Variants in MED13 observed in about 807,000 individuals in gnomAD.
The protein encoded by MED13 is mediator complex subunit 13.
In MED13, 23 loss-of-function variants were observed where a neutral mutation model predicts 225.2. The ratio of observed to expected loss-of-function variants is 0.10; its 90% CI spans 0.07 to 0.14. MED13 has a LOEUF of 0.14. Among genes scored for constraint, MED13 ranks in the 10% least tolerant of loss-of-function variants. The pLI is 1.00. For synonymous variants in MED13, 942 were observed against 889.2 expected (o/e 1.06, Z -1.06); for missense variants, 2,197 against 2,594.5 (o/e 0.85, Z 3.33).
chr17:61,984,413 G>A, intron 14 of MED13, 46 bp from the exon 15 acceptor site: 1 of 1,377,190 alleles, frequency 7.3e-7, no homozygotes, highest in Non-Finnish European at 9.8e-7. Context: ...TCTTCTAGGA[G>A]GAAAAAATAA....
intron 6 of MED13, chr17:62,031,194 A>G (rs1290264980): frequency 3.0e-6 from 1 of 330,112 alleles, no homozygotes; most frequent in East Asian, 5.9e-5. Context: ...CACAGGAGTG[A>G]TGGGACATCA....
Position 62,010,766 on chromosome 17 carries a change from T to G in MED13, c.1751A>C (p.Gln584Pro), listed in dbSNP as rs187078012. ...PMEDRIDSLS[Q>P]SFPPQYQEAV... The stretch of plus-strand genomic sequence containing the variant: ...TTCCTGATATTGAGGTGGGAAAGAC[T>G]GGGACAAACTGTCTATCCTATCTTC... The change falls in exon 9 of 30, where the codon CAG becomes CCG. Residue 584 changes from glutamine (Q) to proline (P), a missense_variant. Gln to Pro is a moderately conservative substitution (Grantham distance 76). Transcript: ENST00000397786. 1.3e-5 allele frequency: 21 copies of G among 1,614,032 alleles called. No individual in the cohort carries two copies. Among genetic ancestry groups the G allele is most frequent in the Non-Finnish European group, 3.4e-6 (4 of 1,179,988 alleles).
Position 61,983,070 on chromosome 17 carries a change from G to A in MED13, c.2933C>T (p.Pro978Leu). ...CATCCCAAAAGAAGTATGAGTTTGA[G>A]GTGTATAAGCAGTGCCATATTCTTG... ...MDQEYGTAYT[P>L]QTHTSFGMPP... Residue 978 changes from proline to leucine, a missense_variant, in exon 16 of 30, where the codon CCT becomes CTT. Coordinates refer to ENST00000397786, the MANE Select transcript of MED13 (RefSeq NM_005121.3). The A allele has an allele frequency of 6.2e-7, 1 of 1,613,472 alleles. No homozygotes were observed. Among genetic ancestry groups the A allele is most frequent in the Non-Finnish European group, 8.5e-7 (1 of 1,179,730 alleles).
chr17:61,953,087 C>G lies in MED13; in HGVS notation c.5995G>C (p.Asp1999His). The change falls in exon 27 of 30, where the codon GAT becomes CAT. Residue 1999 changes from aspartate to histidine, a missense_variant. By Grantham distance (81) the Asp-to-His change is moderately conservative. Transcript: ENST00000397786. ...NDGADGMGIFDLLDTGDDLDP... is the reference protein window; with the variant it reads ...NDGADGMGIFHLLDTGDDLDP... Reference sequence around the variant, plus strand: ...AGATCATCTCCTGTGTCTAACAAATCAAAGATACCCATTCCATCTGCTCCA... The same window carrying G: ...AGATCATCTCCTGTGTCTAACAAATGAAAGATACCCATTCCATCTGCTCCA... 3 of 1,613,678 alleles carry G rather than the reference C, an allele frequency of 1.9e-6. No homozygotes were observed. The highest frequency in any genetic ancestry group is 2.5e-6 in the Non-Finnish European group (3 of 1,179,822).
chr17:61,990,575 T>C (rs1603398366), intron 11 of MED13, among the ~76,000 whole-genome samples: 1 of 150,304 alleles, frequency 6.7e-6, no homozygotes, highest in Admixed American at 6.6e-5. Context: ...TGTGTATATA[T>C]GTATAGGGTC....
At chr17:62,020,712 A>C in intron 8 of MED13, among the ~76,000 whole-genome samples, 1 of 114,364 alleles carries the variant, frequency 8.7e-6, no homozygotes, top group East Asian at 2.7e-4. Flanking sequence ...TTTTTAATTG[A>C]TCATTCTTGG....
chr17:61,963,119 G>A (rs376125710), intron 20 of MED13, 148 bp from the exon 21 acceptor site: 35 of 548,948 alleles, frequency 6.4e-5, no homozygotes, highest in African/African-American at 5.0e-4. Context: ...TTTCTTTCTC[G>A]CCAAAATGAA....
chr17:62,009,929 T>C (rs1318178008), intron 9 of MED13, among the ~76,000 whole-genome samples: 4 of 152,062 alleles, frequency 2.6e-5, no homozygotes, highest in Admixed American at 6.6e-5. Context: ...AAATAATAAG[T>C]ACCAAATTGA....
At chr17:61,990,629 A>ATATATATG (rs2080289124) in intron 11 of MED13, among the ~76,000 whole-genome samples, 1 of 59,418 alleles carries the variant, frequency 1.7e-5, no homozygotes, top group African/African-American at 7.1e-5. Flanking sequence ...CGCACTGTGT[A>ATATATATG]TATATATATA....
chr17:61,975,479 G>A (rs1363597556), intron 16 of MED13, among the ~76,000 whole-genome samples: 1 of 152,196 alleles, frequency 6.6e-6, no homozygotes, highest in African/African-American at 2.4e-5. Context: ...AATGTGACAA[G>A]TGTAAGTGAA....
intron 8 of MED13, among the ~76,000 whole-genome samples, chr17:62,018,558 C>A (rs1366541891): frequency 1.3e-5 from 2 of 151,760 alleles, no homozygotes; most frequent in Non-Finnish European, 2.9e-5. Context: ...TACACACACA[C>A]AAAAAGTTAG....
rs2143267290 is a variant in MED13 at position 61,946,344 on chromosome 17, T to A, written c.*124A>T. The A allele has an allele frequency of 1.8e-6, 2 of 1,139,674 alleles. No homozygotes were observed. The highest frequency in any genetic ancestry group is 2.7e-5 in the Admixed American group (1 of 36,726). 70.6% of individuals were successfully genotyped at this position (1,139,674 alleles called of 1,614,324 possible). A position where few individuals can be genotyped will look rare whatever the true frequency, so the allele number is the denominator to read the frequency against. ...CCCCCCAAGTCAAAACAATATTTGT[T>A]GAAGTAATAAGAATTAGACCCCATC... On this transcript the variant is annotated 3_prime_UTR_variant, in exon 30 of 30. Transcript: ENST00000397786.
intron 19 of MED13, among the ~76,000 whole-genome samples, chr17:61,965,793 G>C (rs1310645514): frequency 6.6e-6 from 1 of 152,110 alleles, no homozygotes; most frequent in African/African-American, 2.4e-5. Context: ...ACTATTCAAA[G>C]GGTTTCTAAA....
chr17:61,969,870 G>A (rs1194071942), intron 17 of MED13, among the ~76,000 whole-genome samples: 3 of 152,054 alleles, frequency 2.0e-5, no homozygotes, highest in Non-Finnish European at 4.4e-5. Context: ...CCAAAGTGCT[G>A]GGATTACAGG....
chr17:61,946,519 A>G lies in MED13; in HGVS notation c.6474T>C (p.Ile2158=). ...ATQDRRSCLP[I]HFVVLNQLYN... ...ATAACTGATTCAGCACCACAAAATG[A>G]ATTGGGAGACATGAGCGTCTGTCCT... Residue 2158 remains isoleucine, a synonymous_variant, in exon 30 of 30, where the codon ATT becomes ATC. Coordinates refer to ENST00000397786, the MANE Select transcript of MED13 (RefSeq NM_005121.3). 6.2e-7 allele frequency: 1 copy of G among 1,613,866 alleles called. No individual in the cohort carries two copies. The highest frequency in any genetic ancestry group is 2.2e-5 in the East Asian group (1 of 44,870).
chr17:61,948,780 T>C (rs1261906430), intron 28 of MED13, among the ~76,000 whole-genome samples: 1 of 151,226 alleles, frequency 6.6e-6, no homozygotes, highest in African/African-American at 2.4e-5. Flanking sequence ...CTTCCGGTGG[T>C]TTTACATAAG....
chr17:61,963,018 T>C (rs757503311), intron 20 of MED13, 47 bp from the exon 21 acceptor site: 4 of 1,549,584 alleles, frequency 2.6e-6, no homozygotes, highest in African/African-American at 1.4e-5. Flanking sequence ...CTGTATATGC[T>C]TGGGGTAGCA....
At chr17:61,950,034 A>G (rs1199630795) in intron 28 of MED13, among the ~76,000 whole-genome samples, 1 of 152,226 alleles carries the variant, frequency 6.6e-6, no homozygotes, top group Non-Finnish European at 1.5e-5. Flanking sequence ...ACAGCAGTGC[A>G]GTATGATGTA....
intron 22 of MED13, 115 bp downstream of exon 22, chr17:61,961,473 T>C (rs1337877230): frequency 3.6e-5 from 33 of 914,948 alleles, no homozygotes; most frequent in Non-Finnish European, 4.6e-5. Flanking sequence ...TGAGCTGAGA[T>C]TGCCCCACTG....
Sources: allele counts gnomAD v4.1 joint callset (sites outside exome capture counted in the v4.1 genomes callset), GRCh38; gene constraint gnomAD v4.1.1; transcripts MANE v1.5; gene names NCBI Gene and HGNC (gene_info 2026-07-23, HGNC 2026-07-21).